The following C2orf66 variants were observed in gnomAD, a reference collection of about 807,000 sequenced individuals.
C2orf66 encodes the protein uncharacterized protein C2orf66.
C2orf66 carries 6 observed loss-of-function variants against 7.0 expected under a neutral mutation model. The observed-to-expected ratio is 0.86, with a 90% confidence interval of 0.47 to 1.69. The LOEUF (loss-of-function observed/expected upper bound fraction) is 1.69, where lower values mean the gene tolerates loss of function less well. C2orf66 is among the 40% of genes most tolerant of loss of function. The pLI, the probability that C2orf66 is intolerant of heterozygous loss-of-function variation, is 0.01. For missense variants in C2orf66, 107 were observed against 112.0 expected (o/e 0.96, Z 0.20); for synonymous variants, 38 against 43.8 (o/e 0.87, Z 0.52).
the C2orf66 span, among the ~76,000 whole-genome samples, chr2:196,831,654 A>T: frequency 2.0e-5 from 3 of 152,286 alleles, no homozygotes; most frequent in South Asian, 6.2e-4. Context: ...TGAGACTTTT[A>T]ATAATGGTCT....
upstream of C2orf66, chr2:196,809,357 A>C (rs764833928): frequency 6.3e-5 from 102 of 1,612,890 alleles, 1 homozygote; most frequent in Non-Finnish European, 6.3e-5. Context: ...AGCTGAGTGA[A>C]AGAGGGGATG....
the C2orf66 span, among the ~76,000 whole-genome samples, chr2:196,824,320 C>T: frequency 6.6e-6 from 1 of 151,808 alleles, no homozygotes; most frequent in Admixed American, 6.6e-5. Flanking sequence ...GTGTCTGGCA[C>T]AGATTTTGTT....
At chr2:196,815,473 A>C in the C2orf66 span, among the ~76,000 whole-genome samples, 2 of 152,194 alleles carry the variant, frequency 1.3e-5, no homozygotes, top group Admixed American at 1.3e-4. Context: ...AAATTATCTA[A>C]TTTGGTCTCT....
chr2:196,824,420 T>C, the C2orf66 span, among the ~76,000 whole-genome samples: 2 of 152,252 alleles, frequency 1.3e-5, no homozygotes. Flanking sequence ...GAAGATTTTA[T>C]GAAAAGAACT....
chr2:196,815,584 T>G, the C2orf66 span, among the ~76,000 whole-genome samples: 1 of 152,202 alleles, frequency 6.6e-6, no homozygotes, highest in Non-Finnish European at 1.5e-5. Flanking sequence ...ATGAAATTCT[T>G]TGCTAGCATT....
the C2orf66 span, among the ~76,000 whole-genome samples, chr2:196,819,729 T>C: frequency 1.3e-5 from 2 of 152,218 alleles, no homozygotes; most frequent in Non-Finnish European, 2.9e-5. Flanking sequence ...TGTAGTTATA[T>C]CACAAATGTT....
At chr2:196,827,292 T>C in the C2orf66 span, among the ~76,000 whole-genome samples, 10 of 145,434 alleles carry the variant, frequency 6.9e-5, no homozygotes, top group East Asian at 7.9e-4. Flanking sequence ...CCCGACAACA[T>C]TGGGGGAAAA....
At chr2:196,823,786 T>C in the C2orf66 span, among the ~76,000 whole-genome samples, 1 of 152,198 alleles carries the variant, frequency 6.6e-6, no homozygotes, top group African/African-American at 2.4e-5. Flanking sequence ...GAACCTACTA[T>C]GTGTCAGGTA....
chr2:196,823,018 TAAAAA>T, the C2orf66 span, among the ~76,000 whole-genome samples: 1 of 137,862 alleles, frequency 7.3e-6, no homozygotes. Flanking sequence ...AACTTCTTGT[TAAAAA>T]AAAAAAAAAA....
At chr2:196,824,077 T>C in the C2orf66 span, among the ~76,000 whole-genome samples, 2 of 152,164 alleles carry the variant, frequency 1.3e-5, no homozygotes, top group South Asian at 2.1e-4. Flanking sequence ...TAATAATTAG[T>C]ATGGTCAGAA....
chr2:196,818,443 G>T, the C2orf66 span, among the ~76,000 whole-genome samples: 2 of 152,128 alleles, frequency 1.3e-5, no homozygotes, highest in African/African-American at 2.4e-5. Flanking sequence ...TCCTGCCCCT[G>T]GTCTGTCTTC....
the C2orf66 span, among the ~76,000 whole-genome samples, chr2:196,817,423 G>C: frequency 6.6e-6 from 1 of 151,930 alleles, no homozygotes; most frequent in Non-Finnish European, 1.5e-5. Flanking sequence ...TTTTAGTAGA[G>C]ACAGGGTTTC....
At chr2:196,805,745 C>T (rs544325265) in intron 2 of C2orf66, among the ~76,000 whole-genome samples, 8 of 152,114 alleles carry the variant, frequency 5.3e-5, no homozygotes, top group Non-Finnish European at 1.0e-4. Flanking sequence ...AAACTAGTAT[C>T]TGCAATTTAC....
At chr2:196,823,156 C>T in the C2orf66 span, among the ~76,000 whole-genome samples, 1 of 151,924 alleles carries the variant, frequency 6.6e-6, no homozygotes, top group Non-Finnish European at 1.5e-5. Context: ...AGGGTGGGAG[C>T]TAGAAAGGGT....
upstream of C2orf66, among the ~76,000 whole-genome samples, chr2:196,813,099 C>T (rs111921168): frequency 0.11 from 16,155 of 152,036 alleles, 1,073 homozygotes; most frequent in African/African-American, 0.19. Flanking sequence ...TCATATGGAA[C>T]CAAAAAAGAG....
At chr2:196,815,788 A>C in the C2orf66 span, among the ~76,000 whole-genome samples, 1 of 152,180 alleles carries the variant, frequency 6.6e-6, no homozygotes, top group Non-Finnish European at 1.5e-5. Context: ...GGACTATATA[A>C]CCTTTTCAAA....
upstream of C2orf66, among the ~76,000 whole-genome samples, chr2:196,813,960 T>C (rs1452734842): frequency 3.9e-5 from 6 of 152,162 alleles, no homozygotes; most frequent in African/African-American, 1.2e-4. Context: ...AGGAGCGCTT[T>C]TACACTGTTG....
chr2:196,804,910 T>G lies in C2orf66; in HGVS notation c.*518A>C, dbSNP rs1699803659. 6.6e-6 allele frequency: 1 copy of G among 152,220 alleles called. No homozygotes were observed. Among genetic ancestry groups the G allele is most frequent in the Admixed American group, 6.5e-5 (1 of 15,278 alleles). The allele number at this position is 152,220 out of a possible 1,614,324, so 9.4% of individuals were successfully genotyped here. A position where few individuals can be genotyped will look rare whatever the true frequency, so the allele number is the denominator to read the frequency against. Reference sequence around the variant, plus strand: ...CACTTGCCCTCATTTCTTATGAAACTAAAACTGTGAAGTATTTTGGTAGTG... The same window carrying G: ...CACTTGCCCTCATTTCTTATGAAACGAAAACTGTGAAGTATTTTGGTAGTG... On this transcript the variant is annotated 3_prime_UTR_variant, in exon 3 of 3. Coordinates refer to ENST00000342506, the MANE Select transcript of C2orf66 (RefSeq NM_213608.3).
At chr2:196,817,671 G>A in the C2orf66 span, among the ~76,000 whole-genome samples, 1 of 152,036 alleles carries the variant, frequency 6.6e-6, no homozygotes, top group South Asian at 2.1e-4. Context: ...GAGACCAGGG[G>A]GTATTTCAGT....
Sources: gnomAD v4.1 joint callset for allele counts (sites outside exome capture counted in the v4.1 genomes callset) on GRCh38, gnomAD v4.1.1 for gene constraint, MANE v1.5 for transcripts, NCBI Gene and HGNC (gene_info 2026-07-23, HGNC 2026-07-21) for gene names.